Variants in OPHN1 observed in about 807,000 individuals in gnomAD.
OPHN1 encodes the protein oligophrenin 1.
Under a neutral mutation model 60.7 loss-of-function variants are expected in OPHN1, and 11 were observed. The observed-to-expected ratio is 0.18, with a 90% CI of 0.11 to 0.30. OPHN1 has a LOEUF of 0.30. OPHN1 is among the 10% of genes least tolerant of loss of function. The pLI, the probability that OPHN1 is intolerant of heterozygous loss-of-function variation, is 1.00. For synonymous variants in OPHN1, 226 were observed against 222.6 expected, an observed-to-expected ratio of 1.02 and a Z score of -0.14; for missense variants, 449 against 611.0, an observed-to-expected ratio of 0.73 and a Z score of 2.80.
rs2076902207 is a variant in OPHN1, at chrX:68,063,730, C to G, written c.2158+124G>C. ...GATTATTGTGATCTTGCCCACTGTT[C>G]CAATATTAGTGGTAGTAAACTGGAA... On this transcript the variant is annotated intron_variant, in intron 21 of 24. Transcript: ENST00000355520. 4 of 565,948 alleles carry G rather than the reference C, an allele frequency of 7.1e-6. No homozygotes were observed. In the South Asian group the frequency reaches 1.6e-4, roughly 23 times the overall value. 46.6% of individuals were successfully genotyped at this position (565,948 alleles called of 1,213,427 possible). A position where few individuals can be genotyped will look rare whatever the true frequency, so the allele number is the denominator to read the frequency against.
intron 15 of OPHN1, among the ~76,000 whole-genome samples, chrX:68,146,265 T>C (rs761251278): frequency 8.9e-6 from 1 of 112,021 alleles, no homozygotes; most frequent in South Asian, 3.7e-4. Context: ...AGGCAGAGTA[T>C]ATGCTCTACA....
intron 24 of OPHN1, among the ~76,000 whole-genome samples, chrX:68,047,419 T>C (rs1032743709): frequency 4.5e-5 from 5 of 111,515 alleles, no homozygotes; most frequent in African/African-American, 1.6e-4. Flanking sequence ...CATGGAGAAA[T>C]AGAAGCCTGA....
intron 23 of OPHN1, among the ~76,000 whole-genome samples, chrX:68,052,276 T>G (rs1602123073): frequency 1.3e-5 from 1 of 78,328 alleles, no homozygotes; most frequent in African/African-American, 6.1e-5. Context: ...GGCAACAGAG[T>G]GAGACACCAT....
At chrX:68,174,340 C>T (rs1312437740) in intron 15 of OPHN1, among the ~76,000 whole-genome samples, 1 of 111,085 alleles carries the variant, frequency 9.0e-6, no homozygotes, top group Non-Finnish European at 1.9e-5. Flanking sequence ...TAGGAAAATA[C>T]AGTCAGCCCT....
At chrX:68,325,635 C>CATGCCGAGCCAAAGCTGGACGGTACTG (rs1466502110) in intron 2 of OPHN1, among the ~76,000 whole-genome samples, 1 of 23,038 alleles carries the variant, frequency 4.3e-5, no homozygotes. Context: ...CTCTCCCTCT[C>CATGCCGAGCCAAAGCTGGACGGTACTG]CCGTTTCCCT....
intron 2 of OPHN1, among the ~76,000 whole-genome samples, chrX:68,387,732 A>C (rs2078631888): frequency 1.8e-5 from 2 of 111,948 alleles, no homozygotes; most frequent in African/African-American, 6.5e-5. Flanking sequence ...CTATGGTCTG[A>C]TGAAGACAAA....
At chrX:68,128,858 T>C (rs1465388163) in intron 15 of OPHN1, among the ~76,000 whole-genome samples, 2 of 111,956 alleles carry the variant, frequency 1.8e-5, no homozygotes, top group Non-Finnish European at 3.8e-5. Context: ...TAAGAATAGT[T>C]AGGTCAGTGG....
At chrX:68,346,064 GC>G (rs2078377673) in intron 2 of OPHN1, among the ~76,000 whole-genome samples, 2 of 111,743 alleles carry the variant, frequency 1.8e-5, no homozygotes, top group South Asian at 7.6e-4. Flanking sequence ...GGAGGTTGAG[GC>G]TGCAGTGGGC....
At chrX:68,203,155 T>G (rs1485915981) in intron 10 of OPHN1, among the ~76,000 whole-genome samples, 1 of 111,298 alleles carries the variant, frequency 9.0e-6, no homozygotes, top group Non-Finnish European at 1.9e-5. Flanking sequence ...CTTGGGAGGC[T>G]GAGGCAGGAG....
chrX:68,267,305 G>T (rs1330231898), intron 5 of OPHN1, among the ~76,000 whole-genome samples: 1 of 111,583 alleles, frequency 9.0e-6, no homozygotes, highest in East Asian at 2.8e-4. Flanking sequence ...ACATGTAAAA[G>T]AACAGAAATT....
intron 19 of OPHN1, among the ~76,000 whole-genome samples, chrX:68,077,564 A>T (rs980605782): frequency 8.9e-5 from 10 of 112,162 alleles, no homozygotes; most frequent in Non-Finnish European, 1.9e-4. Flanking sequence ...ATGGAATAGT[A>T]TATATAGTAT....
At chrX:68,097,779 G>A (rs1339146961) in intron 18 of OPHN1, among the ~76,000 whole-genome samples, 4 of 111,129 alleles carry the variant, frequency 3.6e-5, no homozygotes, top group Non-Finnish European at 5.7e-5. Context: ...CTCTGAAGCT[G>A]GGTTTGAATC....
At chrX:68,292,124 C>G (rs1471909063) in intron 3 of OPHN1, among the ~76,000 whole-genome samples, 2 of 111,472 alleles carry the variant, frequency 1.8e-5, no homozygotes, top group Admixed American at 1.9e-4. Context: ...TTTTGGGTGG[C>G]TGGGGGTTGT....
At chrX:68,292,286 G>A (rs776218449) in intron 3 of OPHN1, among the ~76,000 whole-genome samples, 9 of 111,361 alleles carry the variant, frequency 8.1e-5, no homozygotes, top group Non-Finnish European at 1.3e-4. Context: ...GAATTATTAT[G>A]TTATGTCTGA....
chrX:68,382,901 T>C (rs1227146542), intron 2 of OPHN1, among the ~76,000 whole-genome samples: 1 of 112,007 alleles, frequency 8.9e-6, no homozygotes, highest in African/African-American at 3.2e-5. Context: ...ATTAACACTA[T>C]TTGGTCAAAG....
chrX:68,201,735 G>C (rs772073449), intron 10 of OPHN1, 25 bp from the exon 11 acceptor site: 4 of 1,142,115 alleles, frequency 3.5e-6, no homozygotes, highest in Non-Finnish European at 4.8e-6. Context: ...GAATTAACAG[G>C]CAATTTTTAA....
intron 15 of OPHN1, among the ~76,000 whole-genome samples, chrX:68,189,901 G>A (rs1443430917): frequency 9.1e-6 from 1 of 110,495 alleles, no homozygotes; most frequent in Admixed American, 9.7e-5. Context: ...GATGTCATAG[G>A]GAAAGAAGTC....
At chrX:68,277,632 A>G (rs1379213136) in intron 4 of OPHN1, among the ~76,000 whole-genome samples, 1 of 110,905 alleles carries the variant, frequency 9.0e-6, no homozygotes, top group Non-Finnish European at 1.9e-5. Context: ...TCTGCTACAA[A>G]TACAAAAAAC....
Position 68,096,871 on chromosome X carries a change from T to C in OPHN1, c.1685A>G (p.Lys562Arg). Residue 562 changes from lysine (K) to arginine (R), a missense_variant and splice_region_variant, in exon 19 of 25, where the codon AAG (lysine) becomes AGG (arginine). Lys to Arg is a conservative substitution (Grantham distance 26). This residue lies in a region of OPHN1 where 166 missense variants were observed against 278.4 expected (regional missense o/e 0.60). Transcript: ENST00000355520. ...VVEILIEHFG[K>R]IYLGPPEESA... ...GTAGTGAGAATAGAAAATGCATACC[T>C]TGCCAAAGTGCTCGATTAGTATTTC... 1 of 1,210,262 alleles carries C rather than the reference T, an allele frequency of 8.3e-7. No individual in the cohort carries two copies.
Sources: allele counts gnomAD v4.1 joint callset (sites outside exome capture counted in the v4.1 genomes callset), GRCh38; gene constraint gnomAD v4.1.1; regional missense constraint gnomAD v4.1.1; transcripts MANE v1.5; gene names NCBI Gene and HGNC (gene_info 2026-07-23, HGNC 2026-07-21).